VWA3B: variants seen among roughly 807,000 people sequenced by gnomAD.
VWA3B encodes the protein von Willebrand factor A domain containing 3B, also known as von Willebrand factor A domain-containing protein 3B.
A neutral mutation model predicts 158.3 loss-of-function variants in VWA3B; 138 were observed. The observed-to-expected ratio is 0.87, with a 90% CI of 0.76 to 1.00. The LOEUF (loss-of-function observed/expected upper bound fraction) is 1.00, where lower values mean the gene tolerates loss of function less well. Ranked by LOEUF, VWA3B falls within the 50% of genes least tolerant of loss-of-function variation. VWA3B has a pLI of 0.00. For synonymous variants in VWA3B, 596 were observed against 587.3 expected (o/e 1.01, Z -0.21); for missense variants, 1,555 against 1,565.1 (o/e 0.99, Z 0.11).
At chr2:98,308,640 G>T (rs1419283223) in intron 26 of VWA3B, among the ~76,000 whole-genome samples, 2 of 152,212 alleles carry the variant, frequency 1.3e-5, no homozygotes, top group Non-Finnish European at 2.9e-5. Flanking sequence ...TCTGGCCAGG[G>T]CAGGGGGAGG....
intron 8 of VWA3B, among the ~76,000 whole-genome samples, chr2:98,167,482 C>T (rs1679183493): frequency 6.6e-6 from 1 of 152,162 alleles, no homozygotes. Context: ...CTAGCTTTCC[C>T]TCGCTTACTG....
chr2:98,214,975 G>C (rs1225281397), intron 13 of VWA3B, among the ~76,000 whole-genome samples: 1 of 152,146 alleles, frequency 6.6e-6, no homozygotes, highest in South Asian at 2.1e-4. Flanking sequence ...CGCAAGCAGG[G>C]TATTGACAAG....
At chr2:98,096,730 TATG>T (rs1682741684) in intron 2 of VWA3B, among the ~76,000 whole-genome samples, 1 of 152,204 alleles carries the variant, frequency 6.6e-6, no homozygotes, top group South Asian at 2.1e-4. Context: ...AGTAGTCTCT[TATG>T]ATCCTTTGTA....
intron 1 of VWA3B, 135 bp from the exon 2 acceptor site, chr2:98,092,926 A>G (rs544108634): frequency 5.7e-6 from 3 of 526,498 alleles, no homozygotes; most frequent in Non-Finnish European, 9.5e-6. Context: ...TCCACCAAAT[A>G]TACATGTATA....
chr2:98,322,094 T>C, the VWA3B span, among the ~76,000 whole-genome samples: 1 of 152,344 alleles, frequency 6.6e-6, no homozygotes, highest in African/African-American at 2.4e-5. Flanking sequence ...GCCATGATTG[T>C]GAGGCCTCCC....
intron 9 of VWA3B, among the ~76,000 whole-genome samples, chr2:98,185,641 G>A (rs1050027795): frequency 6.6e-6 from 1 of 152,140 alleles, no homozygotes; most frequent in African/African-American, 2.4e-5. Context: ...ACATCGACGG[G>A]AATGTCATGA....
chr2:98,245,296 C>T (rs767436176), intron 19 of VWA3B: 41 of 276,328 alleles, frequency 1.5e-4, no homozygotes, highest in Non-Finnish European at 2.1e-4. Context: ...TCCCCACTTG[C>T]TTTCTTACAG....
intron 20 of VWA3B, 125 bp downstream of exon 20, chr2:98,250,561 G>C (rs1286632536): frequency 6.3e-6 from 5 of 789,290 alleles, no homozygotes; most frequent in African/African-American, 1.8e-5. Context: ...AATTGTTCAG[G>C]CTGGGTGTGG....
At chr2:98,092,818 A>G (rs58409918) in intron 1 of VWA3B, among the ~76,000 whole-genome samples, 750 of 40,548 alleles carry the variant, frequency 0.018, 10 homozygotes, top group African/African-American at 0.095. Flanking sequence ...ATGTTTTTGT[A>G]TATATATATA....
In VWA3B at chr2:98,104,428, G is replaced by T. The variant is rs886926620; in HGVS notation, c.196+11140G>T. ...GAAGGCAAAAGACAGAGCGGAAGAG[G>T]GACCAGGCTCTTTTCAACAACCAGT... On this transcript the variant is annotated intron_variant, in intron 2 of 27. Coordinates refer to ENST00000477737, the MANE Select transcript of VWA3B (RefSeq NM_144992.5). Among the ~76,000 whole-genome samples the T allele has an allele frequency of 3.9e-5, 6 of 152,024 alleles. 1 individual carries two copies. The highest frequency in any genetic ancestry group is 1.5e-4 in the African/African-American group (6 of 41,374).
At chr2:98,301,286 T>A (rs1356213947) in intron 25 of VWA3B, among the ~76,000 whole-genome samples, 1 of 148,872 alleles carries the variant, frequency 6.7e-6, no homozygotes, top group Non-Finnish European at 1.5e-5. Flanking sequence ...CAAGACTGTC[T>A]CAAAAAAAAA....
At chr2:98,255,254 A>G (rs1574209882) in intron 20 of VWA3B, among the ~76,000 whole-genome samples, 1 of 127,234 alleles carries the variant, frequency 7.9e-6, no homozygotes, top group Admixed American at 8.8e-5. Flanking sequence ...CTGGTCTCGA[A>G]CTCCTGACCT....
chr2:98,285,372 A>G (rs1689106754), intron 22 of VWA3B, among the ~76,000 whole-genome samples: 1 of 152,102 alleles, frequency 6.6e-6, no homozygotes, highest in South Asian at 2.1e-4. Context: ...CTTTTTTATT[A>G]TTATGAATAA....
chr2:98,186,196 T>C (rs1245497998), intron 9 of VWA3B, among the ~76,000 whole-genome samples: 1 of 144,234 alleles, frequency 6.9e-6, no homozygotes, highest in Admixed American at 7.1e-5. Flanking sequence ...ACACTGCTGG[T>C]TATCCTCCCA....
intron 13 of VWA3B, among the ~76,000 whole-genome samples, chr2:98,213,662 A>T (rs1683732698): frequency 6.6e-6 from 1 of 152,156 alleles, no homozygotes; most frequent in Non-Finnish European, 1.5e-5. Context: ...AGAGGCAAGT[A>T]GGCTTGGGGG....
intron 2 of VWA3B, among the ~76,000 whole-genome samples, chr2:98,102,594 C>T (rs1454899711): frequency 6.6e-6 from 1 of 152,216 alleles, no homozygotes; most frequent in Admixed American, 6.5e-5. Flanking sequence ...AAACCTAATT[C>T]AGTCAAGGAA....
chr2:98,132,497 C>T (rs753320644), intron 6 of VWA3B, among the ~76,000 whole-genome samples: 5 of 152,226 alleles, frequency 3.3e-5, no homozygotes, highest in African/African-American at 7.2e-5. Context: ...CCAGTCCAAG[C>T]ACAGCGCTGT....
intron 7 of VWA3B, among the ~76,000 whole-genome samples, chr2:98,135,096 A>C (rs1360501245): frequency 6.6e-6 from 1 of 152,194 alleles, no homozygotes; most frequent in African/African-American, 2.4e-5. Flanking sequence ...TATTGAAAGT[A>C]ATTTACAAGA....
chr2:98,232,946 C>A (rs892590442), intron 16 of VWA3B, among the ~76,000 whole-genome samples: 5 of 152,066 alleles, frequency 3.3e-5, no homozygotes, highest in African/African-American at 1.2e-4. Flanking sequence ...GGGAGGAGGG[C>A]CTTGAACCCA....
Sources: gnomAD v4.1 joint callset for allele counts (sites outside exome capture counted in the v4.1 genomes callset) on GRCh38, gnomAD v4.1.1 for gene constraint, MANE v1.5 for transcripts, NCBI Gene and HGNC (gene_info 2026-07-23, HGNC 2026-07-21) for gene names.